Variants in LHFPL4 observed in about 807,000 individuals in gnomAD.
LHFPL4 encodes LHFPL tetraspan subfamily member 4 protein.
In LHFPL4, 6 loss-of-function variants were observed where a neutral mutation model predicts 20.0. The observed-to-expected ratio is 0.30, with a 90% CI of 0.16 to 0.59. The LOEUF (loss-of-function observed/expected upper bound fraction) is 0.59, where lower values mean the gene tolerates loss of function less well. Among genes scored for constraint, LHFPL4 ranks in the 20% least tolerant of loss-of-function variants. LHFPL4 has a pLI of 0.88. For synonymous variants in LHFPL4, 129 were observed against 143.8 expected (o/e 0.90, Z 0.74); for missense variants, 215 against 331.2 (o/e 0.65, Z 2.72).
At chr3:9,510,266 A>G (rs1170400013) in intron 2 of LHFPL4, among the ~76,000 whole-genome samples, 1 of 151,834 alleles carries the variant, frequency 6.6e-6, no homozygotes, top group Admixed American at 6.6e-5. Flanking sequence ...GCCTGGGGCA[A>G]CATGGTGAAA....
intron 2 of LHFPL4, among the ~76,000 whole-genome samples, chr3:9,524,477 T>C (rs1183133490): frequency 6.6e-6 from 1 of 152,194 alleles, no homozygotes; most frequent in Non-Finnish European, 1.5e-5. Flanking sequence ...TTTTTAGAGG[T>C]TTCTACTGAC....
chr3:9,534,060 C>T (rs547790354), intron 2 of LHFPL4, among the ~76,000 whole-genome samples: 1 of 151,570 alleles, frequency 6.6e-6, no homozygotes. Context: ...CAAAAAATAC[C>T]AAAAAATTAG....
intron 2 of LHFPL4, among the ~76,000 whole-genome samples, chr3:9,527,693 C>T (rs1224551957): frequency 6.6e-6 from 1 of 151,920 alleles, no homozygotes; most frequent in African/African-American, 2.4e-5. Context: ...GGCAACAGAG[C>T]CAGATGTTGT....
chr3:9,504,696 G>T (rs1451941327), intron 3 of LHFPL4, among the ~76,000 whole-genome samples: 2 of 151,834 alleles, frequency 1.3e-5, no homozygotes, highest in Non-Finnish European at 2.9e-5. Context: ...GTGGTGGCGG[G>T]TGCCTGTAGT....
In LHFPL4 at chr3:9,534,230, G is replaced by T. The variant is rs79329611; in HGVS notation, c.406+18044C>A. ...AGACCTTTTCTTAAAAAAAAAAAAAGTAGGGGGGTTGCATACCATGATGTG... is the reference window on the plus strand; with the variant it reads ...AGACCTTTTCTTAAAAAAAAAAAAATTAGGGGGGTTGCATACCATGATGTG... On this transcript the variant is annotated intron_variant, in intron 2 of 3. Transcript: ENST00000287585. Among the ~76,000 whole-genome samples, 21 of 151,532 alleles carry T rather than the reference G, an allele frequency of 1.4e-4. No individual in the cohort carries two copies. In the South Asian group the frequency reaches 4.4e-3, roughly 32 times the overall value.
intron 3 of LHFPL4, among the ~76,000 whole-genome samples, chr3:9,502,649 G>A (rs2046185655): frequency 6.6e-6 from 1 of 151,290 alleles, no homozygotes; most frequent in Admixed American, 6.6e-5. Context: ...ATTGCAGTGA[G>A]CCAAAATTGC....
At chr3:9,529,422 T>C (rs1197087104) in intron 2 of LHFPL4, among the ~76,000 whole-genome samples, 3 of 152,182 alleles carry the variant, frequency 2.0e-5, no homozygotes, top group Non-Finnish European at 4.4e-5. Flanking sequence ...GAGGAACAAC[T>C]TATCTATGGC....
At chr3:9,505,100 T>C (rs1346153884) in intron 3 of LHFPL4, among the ~76,000 whole-genome samples, 1 of 152,312 alleles carries the variant, frequency 6.6e-6, no homozygotes, top group South Asian at 2.1e-4. Flanking sequence ...TGTTTATAGC[T>C]GTTTGCTACA....
chr3:9,532,052 GTC>G (rs2046412716), intron 2 of LHFPL4, among the ~76,000 whole-genome samples: 1 of 152,098 alleles, frequency 6.6e-6, no homozygotes, highest in African/African-American at 2.4e-5. Flanking sequence ...TTGAGATGGA[GTC>G]TCACTCTGTC....
chr3:9,540,332 A>G (rs1483062688), intron 2 of LHFPL4, among the ~76,000 whole-genome samples: 2 of 152,188 alleles, frequency 1.3e-5, no homozygotes, highest in African/African-American at 2.4e-5. Context: ...TGTTTAGTAT[A>G]TTACCATTAG....
chr3:9,510,148 C>T (rs1353964006), intron 2 of LHFPL4, among the ~76,000 whole-genome samples: 1 of 152,204 alleles, frequency 6.6e-6, no homozygotes, highest in Non-Finnish European at 1.5e-5. Context: ...CAAACCCAGT[C>T]ATACTGATTA....
intron 2 of LHFPL4, among the ~76,000 whole-genome samples, chr3:9,529,643 A>T (rs554089062): frequency 1.3e-3 from 200 of 149,954 alleles, no homozygotes; most frequent in African/African-American, 4.1e-3. Context: ...TTATTTATTT[A>T]TTTTTTTTTG....
chr3:9,547,787 C>A (rs961021642), intron 2 of LHFPL4, among the ~76,000 whole-genome samples: 12 of 146,594 alleles, frequency 8.2e-5, no homozygotes, highest in African/African-American at 3.2e-4. Context: ...GATTTTTGTT[C>A]TTTGTTTTGT....
chr3:9,513,331 G>T (rs1410471170), intron 2 of LHFPL4, among the ~76,000 whole-genome samples: 1 of 151,400 alleles, frequency 6.6e-6, no homozygotes, highest in South Asian at 2.1e-4. Flanking sequence ...TTGTTTTTGC[G>T]ACAGGTCTTG....
At chr3:9,507,707 C>G (rs1243808910) in intron 2 of LHFPL4, among the ~76,000 whole-genome samples, 1 of 152,222 alleles carries the variant, frequency 6.6e-6, no homozygotes, top group African/African-American at 2.4e-5. Context: ...TCCCAATCCC[C>G]GCCCAGGTGG....
intron 2 of LHFPL4, among the ~76,000 whole-genome samples, chr3:9,537,929 G>C (rs2046453448): frequency 6.6e-6 from 1 of 151,960 alleles, no homozygotes; most frequent in Admixed American, 6.6e-5. Context: ...CTTTCCCCTT[G>C]CACATCCCAT....
intron 2 of LHFPL4, among the ~76,000 whole-genome samples, chr3:9,547,396 A>T (rs1231172520): frequency 1.3e-5 from 2 of 152,158 alleles, no homozygotes; most frequent in Non-Finnish European, 2.9e-5. Context: ...TCCCCCGGCT[A>T]ACTACACCGG....
intron 2 of LHFPL4, among the ~76,000 whole-genome samples, chr3:9,540,209 C>T (rs2648403): frequency 0.042 from 6,342 of 152,190 alleles, 164 homozygotes; most frequent in Non-Finnish European, 0.059. Flanking sequence ...TTGTGATGCA[C>T]CTATAGAAAA....
At chr3:9,547,883 GC>G (rs2046526375) in intron 2 of LHFPL4, among the ~76,000 whole-genome samples, 2 of 152,134 alleles carry the variant, frequency 1.3e-5, no homozygotes, top group Admixed American at 1.3e-4. Context: ...ATGGCTCACT[GC>G]AACCTCCGCC....
Sources: allele counts gnomAD v4.1 joint callset (sites outside exome capture counted in the v4.1 genomes callset), GRCh38; gene constraint gnomAD v4.1.1; transcripts MANE v1.5; gene names NCBI Gene and HGNC (gene_info 2026-07-23, HGNC 2026-07-21).